SHANK2: variants seen among roughly 807,000 people sequenced by gnomAD.
The protein encoded by SHANK2 is SH3 and multiple ankyrin repeat domains protein 2.
Under a neutral mutation model 133.7 loss-of-function variants are expected in SHANK2, and 43 were observed. The observed-to-expected ratio is 0.32, with a 90% CI of 0.25 to 0.41. The LOEUF is 0.41. Among genes scored for constraint, SHANK2 ranks in the 10% least tolerant of loss-of-function variants. The pLI is 1.00. For synonymous variants in SHANK2, 1,017 were observed against 952.8 expected (o/e 1.07, Z -1.24); for missense variants, 1,994 against 2,235.8 (o/e 0.89, Z 2.18).
At chr11:70,576,282 C>T (rs1209342558) in intron 17 of SHANK2, among the ~76,000 whole-genome samples, 1 of 152,094 alleles carries the variant, frequency 6.6e-6, no homozygotes, top group Non-Finnish European at 1.5e-5. Context: ...CGAGGGACAG[C>T]AAGCGGCTGC....
chr11:70,626,927 G>A (rs1018407148), intron 17 of SHANK2, among the ~76,000 whole-genome samples: 10 of 152,190 alleles, frequency 6.6e-5, no homozygotes, highest in African/African-American at 2.4e-4. Context: ...TGAAGGCTGC[G>A]GTTCCCAGGT....
chr11:70,795,407 C>CT (rs71049944), intron 14 of SHANK2, among the ~76,000 whole-genome samples: 97,278 of 128,418 alleles, frequency 0.76, 38,433 homozygotes, highest in East Asian at 0.97. Context: ...CTTTCTTTTT[C>CT]TTTTTTTTTT....
chr11:70,795,598 G>T (rs1220848323), intron 14 of SHANK2, among the ~76,000 whole-genome samples: 5 of 151,966 alleles, frequency 3.3e-5, no homozygotes, highest in Admixed American at 6.6e-5. Flanking sequence ...TACAGACAGG[G>T]TTTCACCATG....
At chr11:70,749,575 G>A (rs1336113802) in intron 14 of SHANK2, among the ~76,000 whole-genome samples, 3 of 152,228 alleles carry the variant, frequency 2.0e-5, no homozygotes, top group Non-Finnish European at 4.4e-5. Context: ...GCAGGCTTGA[G>A]ATGATGCAGA....
At chr11:70,841,632 G>A (rs557271587) in intron 11 of SHANK2, among the ~76,000 whole-genome samples, 3 of 152,168 alleles carry the variant, frequency 2.0e-5, no homozygotes. Flanking sequence ...GGGTGCCTGC[G>A]ATCACTGTTG....
chr11:70,700,960 T>A (rs1555023464), intron 14 of SHANK2, among the ~76,000 whole-genome samples: 1 of 152,194 alleles, frequency 6.6e-6, no homozygotes, highest in African/African-American at 2.4e-5. Context: ...ACAATGCCAA[T>A]GAAGGGCCAC....
chr11:71,118,838 A>G lies in SHANK2; in HGVS notation c.402T>C (p.Pro134=), dbSNP rs1210102677. 11 of 1,548,292 alleles carry G rather than the reference A, an allele frequency of 7.1e-6. No homozygotes were observed. The highest frequency in any genetic ancestry group is 2.0e-5 in the Admixed American group (1 of 50,832). Residue 134 remains proline, a synonymous_variant, in exon 4 of 26, where the codon CCT becomes CCC. Coordinates refer to ENST00000601538, the MANE Select transcript of SHANK2 (RefSeq NM_012309.5). The part of the protein sequence containing the change: ...EYPQPVGEGV[P]SLEFRYKKRV... Reference sequence around the variant, plus strand: ...GTGGGCTGAAATATACCTCCAGGGAAGGAACGCCCTCACCCACGGGCTGTG... The same window carrying G: ...GTGGGCTGAAATATACCTCCAGGGAGGGAACGCCCTCACCCACGGGCTGTG...
At position 71,150,384 on chromosome 11, in the gene SHANK2, G is replaced by A. The variant is rs1187780337; in HGVS notation, c.-12-3046C>T. On this transcript the variant is annotated intron_variant, in intron 2 of 25. Transcript: ENST00000601538. ...GGAGAGGGAGGGACAAGGAGGGAGG[G>A]AGAGGGAGGGACAGGGAGGGACAGG... 1.0e-4 allele frequency among the ~76,000 whole-genome samples: 12 copies of A among 116,024 alleles called. No homozygotes were observed. In the East Asian group the frequency reaches 1.2e-3, roughly 11 times the overall value. 76.1% of individuals were successfully genotyped at this position (116,024 alleles called of 152,430 possible).
intron 21 of SHANK2, among the ~76,000 whole-genome samples, chr11:70,498,124 T>C (rs2058997666): frequency 6.6e-6 from 1 of 152,244 alleles, no homozygotes. Flanking sequence ...AGGGACCCTG[T>C]CAGTTCTCAA....
intron 11 of SHANK2, among the ~76,000 whole-genome samples, chr11:70,888,467 TC>T (rs11322506): frequency 0.69 from 104,287 of 152,020 alleles, 42,179 homozygotes; most frequent in Non-Finnish European, 0.88. Context: ...CCAATATGTG[TC>T]CCACCCTTGA....
In SHANK2 at chr11:71,220,241, GAAACAAAC is replaced by G. The variant is rs568935181; in HGVS notation, c.-13+4448_-13+4455del. 6.5e-3 allele frequency among the ~76,000 whole-genome samples: 987 copies of G among 152,064 alleles called. 18 individuals carry two copies. The highest frequency in any genetic ancestry group is 0.023 in the African/African-American group (938 of 41,448). On this transcript the variant is annotated intron_variant, in intron 2 of 25. Coordinates refer to ENST00000601538, the MANE Select transcript of SHANK2 (RefSeq NM_012309.5). ...CAGAGTGAGACCCAGTCTCAAAACA[GAAACAAAC>G]AAACAAACAAACAAACAAAACAAAA...
chr11:70,791,098 G>A (rs1380502298), intron 14 of SHANK2, among the ~76,000 whole-genome samples: 1 of 152,228 alleles, frequency 6.6e-6, no homozygotes, highest in African/African-American at 2.4e-5. Flanking sequence ...GAAGTTGTGG[G>A]TTCACTTGTC....
intron 11 of SHANK2, among the ~76,000 whole-genome samples, chr11:70,870,786 T>C (rs573148835): frequency 7.2e-5 from 11 of 151,992 alleles, no homozygotes; most frequent in South Asian, 4.1e-4. Flanking sequence ...TTCATTCATT[T>C]ATTTATTTGA....
chr11:70,744,420 A>G (rs1279805327), intron 14 of SHANK2, among the ~76,000 whole-genome samples: 1 of 152,144 alleles, frequency 6.6e-6, no homozygotes, highest in Non-Finnish European at 1.5e-5. Flanking sequence ...CTGCAATGTG[A>G]GCCTGCAGTG....
chr11:70,901,623 C>T (rs367822613), intron 10 of SHANK2, among the ~76,000 whole-genome samples: 259 of 152,248 alleles, frequency 1.7e-3, no homozygotes, highest in Middle Eastern at 3.4e-3. Context: ...CTGCAGGGTA[C>T]GGCCATAATG....
chr11:70,828,250 T>A (rs1948675799), intron 11 of SHANK2, among the ~76,000 whole-genome samples: 2 of 152,106 alleles, frequency 1.3e-5, no homozygotes, highest in South Asian at 4.1e-4. Flanking sequence ...CCACTGCACA[T>A]CAGCCTGGGG....
intron 12 of SHANK2, among the ~76,000 whole-genome samples, chr11:70,811,719 TA>T (rs1167644481): frequency 1.3e-5 from 2 of 150,394 alleles, no homozygotes; most frequent in Non-Finnish European, 3.0e-5. Context: ...ACCATTCATT[TA>T]TCCATCCATC....
At chr11:70,523,278 C>T (rs1554971438) in intron 17 of SHANK2, among the ~76,000 whole-genome samples, 1 of 152,238 alleles carries the variant, frequency 6.6e-6, no homozygotes, top group Admixed American at 6.5e-5. Context: ...ATTCCCAGCC[C>T]TCACAGCAGC....
At chr11:70,756,042 C>T (rs538571478) in intron 14 of SHANK2, among the ~76,000 whole-genome samples, 13 of 152,266 alleles carry the variant, frequency 8.5e-5, no homozygotes, top group South Asian at 8.3e-4. Context: ...TGTGATCTTG[C>T]GGAGATGGCT....
Sources: allele counts gnomAD v4.1 joint callset (sites outside exome capture counted in the v4.1 genomes callset), GRCh38; gene constraint gnomAD v4.1.1; transcripts MANE v1.5; gene names NCBI Gene and HGNC (gene_info 2026-07-23, HGNC 2026-07-21).